MYH9: variants seen among roughly 807,000 people sequenced by gnomAD.
MYH9 encodes the protein myosin-9.
A neutral mutation model predicts 241.9 loss-of-function variants in MYH9; 29 were observed. The ratio of observed to expected loss-of-function variants is 0.12; its 90% CI spans 0.09 to 0.16. The LOEUF (loss-of-function observed/expected upper bound fraction) is 0.16, where lower values mean the gene tolerates loss of function less well. Among genes scored for constraint, MYH9 ranks in the 10% least tolerant of loss-of-function variants. MYH9 has a pLI of 1.00. For synonymous variants in MYH9, 1,047 were observed against 1,062.6 expected, an observed-to-expected ratio of 0.99 and a Z score of 0.29; for missense variants, 1,803 against 2,595.5, an observed-to-expected ratio of 0.69 and a Z score of 6.63.
intron 14 of MYH9, among the ~76,000 whole-genome samples, chr22:36,310,673 A>G (rs1037145299): frequency 2.0e-5 from 3 of 152,236 alleles, no homozygotes; most frequent in Non-Finnish European, 2.9e-5. Context: ...CCTCCCACCC[A>G]GGCCAACATC....
intron 24 of MYH9, 45 bp downstream of exon 24, chr22:36,298,874 G>A (rs1445817037): frequency 5.0e-6 from 8 of 1,609,292 alleles, no homozygotes; most frequent in Non-Finnish European, 6.8e-6. Context: ...GCCAGCCCTT[G>A]CCCGCCAGCC....
In MYH9 at chr22:36,312,118, G is replaced by C; in HGVS notation, c.1659C>G (p.His553Gln). The C allele has an allele frequency of 1.2e-6, 2 of 1,614,212 alleles. No homozygotes were observed. Among genetic ancestry groups the C allele is most frequent in the Non-Finnish European group, 8.5e-7 (1 of 1,180,048 alleles). The change falls in exon 14 of 41, where the codon CAC (histidine) becomes CAG (glutamine). Residue 553 changes from histidine to glutamine, a missense_variant. By Grantham distance (24) the His-to-Gln change is conservative. Around this residue, in one of 11 missense-constraint regions of MYH9, gnomAD observed 163 missense variants for 349.7 expected, o/e 0.47. Coordinates refer to ENST00000216181, the MANE Select transcript of MYH9 (RefSeq NM_002473.6). ...GCTGCTTGGGCTTCTGGAACTTGGG[G>C]TGGGTGCCCTGCTCCTGCATCACCT... ...VEKVMQEQGT[H>Q]PKFQKPKQLK...
intron 40 of MYH9, among the ~76,000 whole-genome samples, chr22:36,283,099 C>T (rs1024961809): frequency 2.6e-5 from 4 of 152,196 alleles, no homozygotes; most frequent in African/African-American, 9.6e-5. Context: ...AAATGCCATC[C>T]TCTGTTGCAA....
At chr22:36,356,155 CCT>C (rs943786355) in intron 1 of MYH9, among the ~76,000 whole-genome samples, 10 of 152,176 alleles carry the variant, frequency 6.6e-5, no homozygotes, top group East Asian at 1.9e-4. Flanking sequence ...GCAAGCAGCC[CCT>C]CTGTTTGTTT....
chr22:36,354,956 AACACACACACACACAC>A (rs136203), intron 1 of MYH9, among the ~76,000 whole-genome samples: 40 of 123,710 alleles, frequency 3.2e-4, no homozygotes, highest in East Asian at 2.6e-3. Flanking sequence ...CAAAAAACAA[AACACACACACACACAC>A]ACACACACAC....
intron 1 of MYH9, among the ~76,000 whole-genome samples, chr22:36,361,620 T>TC (rs1175606900): frequency 6.6e-6 from 1 of 152,094 alleles, no homozygotes; most frequent in African/African-American, 2.4e-5. Context: ...ATAGAGTCCC[T>TC]CCTCCTGCAT....
At chr22:36,298,269 C>T (rs1181269252) in intron 24 of MYH9, among the ~76,000 whole-genome samples, 1 of 152,106 alleles carries the variant, frequency 6.6e-6, no homozygotes, top group East Asian at 1.9e-4. Context: ...CCACTCCTCT[C>T]AAGGGGCAGG....
At chr22:36,328,295 C>T (rs749140268) in intron 3 of MYH9, among the ~76,000 whole-genome samples, 3 of 152,250 alleles carry the variant, frequency 2.0e-5, no homozygotes, top group Non-Finnish European at 4.4e-5. Context: ...TCCCCCAGTA[C>T]AGGAGGGGCA....
At chr22:36,380,307 C>A (rs1400092956) in intron 1 of MYH9, among the ~76,000 whole-genome samples, 1 of 152,190 alleles carries the variant, frequency 6.6e-6, no homozygotes, top group Non-Finnish European at 1.5e-5. Flanking sequence ...TTCAAAACAC[C>A]CCTCTGATCA....
At chr22:36,359,463 G>C (rs768091838) in intron 1 of MYH9, among the ~76,000 whole-genome samples, 1 of 152,210 alleles carries the variant, frequency 6.6e-6, no homozygotes, top group African/African-American at 2.4e-5. Context: ...AAGGGTTATA[G>C]CCACCTAATT....
chr22:36,362,022 T>C (rs1390534428), intron 1 of MYH9, among the ~76,000 whole-genome samples: 3 of 152,088 alleles, frequency 2.0e-5, no homozygotes, highest in African/African-American at 7.2e-5. Flanking sequence ...TGAGCCGAAA[T>C]TGCGCCACTG....
At position 36,329,198 on chromosome 22, in the gene MYH9, C is replaced by T. The variant is rs1310172832; in HGVS notation, c.491-1710G>A. 6.6e-6 allele frequency among the ~76,000 whole-genome samples: 1 copy of T among 152,186 alleles called. No homozygotes were observed. Among genetic ancestry groups the T allele is most frequent in the African/African-American group, 2.4e-5 (1 of 41,434 alleles). On this transcript the variant is annotated intron_variant, in intron 3 of 40. Transcript: ENST00000216181. The surrounding 1 kb of genome is among the most constrained non-coding windows in gnomAD (Gnocchi z 4.1). ...CTCTCATTCACAAACACACCCCACACCCTGCTCTCTGATGTGGAAACTACT... is the reference window on the plus strand; with the variant it reads ...CTCTCATTCACAAACACACCCCACATCCTGCTCTCTGATGTGGAAACTACT...
intron 1 of MYH9, among the ~76,000 whole-genome samples, chr22:36,358,351 C>G (rs1418943263): frequency 6.6e-6 from 1 of 152,152 alleles, no homozygotes; most frequent in Non-Finnish European, 1.5e-5. Flanking sequence ...AGGTGTCAGC[C>G]ACCGCACCAG....
At chr22:36,298,395 A>T (rs2016821533) in intron 24 of MYH9, among the ~76,000 whole-genome samples, 1 of 152,182 alleles carries the variant, frequency 6.6e-6, no homozygotes, top group Non-Finnish European at 1.5e-5. Context: ...CCCCAAGTCA[A>T]GCAATGAACT....
chr22:36,322,651 G>A (rs2017273422), intron 5 of MYH9, 130 bp from the exon 6 acceptor site: 2 of 859,526 alleles, frequency 2.3e-6, no homozygotes, highest in African/African-American at 1.7e-5. Context: ...AGGTTTCCGG[G>A]TGGGCTCCAG....
rs148832136 is a variant in MYH9 at position 36,318,222 on chromosome 22, C to T, written c.1212G>A (p.Ala404=). ...IKVGRDYVQK[A]QTKEQADFAI... Reference sequence around the variant, plus strand: ...GAGGACATACCTGCTCTTTAGTCTGCGCCTTCTGGACGTAATCCCGTCCCA... The same window carrying T: ...GAGGACATACCTGCTCTTTAGTCTGTGCCTTCTGGACGTAATCCCGTCCCA... The change falls in exon 11 of 41, where the codon GCG becomes GCA. Residue 404 remains alanine, a synonymous_variant. Transcript: ENST00000216181. 167 of 1,613,752 alleles carry T rather than the reference C, an allele frequency of 1.0e-4. No individual in the cohort carries two copies. The highest frequency in any genetic ancestry group is 1.7e-4 in the African/African-American group (13 of 74,732).
chr22:36,289,046 G>A (rs923930911), intron 32 of MYH9, 39 bp downstream of exon 32: 5 of 1,613,538 alleles, frequency 3.1e-6, no homozygotes, highest in Non-Finnish European at 4.2e-6. Context: ...ACCCCACTCG[G>A]GCCCTTCCCA....
chr22:36,350,763 C>T (rs1031681938), intron 1 of MYH9, among the ~76,000 whole-genome samples: 1 of 152,210 alleles, frequency 6.6e-6, no homozygotes, highest in African/African-American at 2.4e-5. Flanking sequence ...CCACGACTAA[C>T]ACCATCGTTA....
Position 36,293,509 on chromosome 22 carries a change from T to C in MYH9, c.3943-28A>G. The C allele has an allele frequency of 6.2e-7, 1 of 1,610,488 alleles. No individual in the cohort carries two copies. Among genetic ancestry groups the C allele is most frequent in the Admixed American group, 1.7e-5 (1 of 59,966 alleles). ...ACTCGCGGGTTGAGAGGGGTGCGGGTGCTTAGGAGGGTGGTGTCCAAAACC... is the reference window on the plus strand; with the variant it reads ...ACTCGCGGGTTGAGAGGGGTGCGGGCGCTTAGGAGGGTGGTGTCCAAAACC... On this transcript the variant is annotated intron_variant, in intron 29 of 40. Transcript: ENST00000216181. This position sits in a 1 kb window ranked among gnomAD's most constrained non-coding sequence, Gnocchi z 5.1.
Sources: gnomAD v4.1 joint callset for allele counts (sites outside exome capture counted in the v4.1 genomes callset) on GRCh38, gnomAD v4.1.1 for gene constraint, gnomAD v4.1.1 regional missense constraint, Gnocchi (gnomAD v3.1) non-coding constraint, MANE v1.5 for transcripts, NCBI Gene and HGNC (gene_info 2026-07-23, HGNC 2026-07-21) for gene names.